CCDC91: variants seen among roughly 807,000 people sequenced by gnomAD.
CCDC91 encodes the protein coiled-coil domain containing 91.
A neutral mutation model predicts 63.2 loss-of-function variants in CCDC91; 48 were observed. The ratio of observed to expected loss-of-function variants is 0.76; its 90% confidence interval spans 0.60 to 0.97. The LOEUF (loss-of-function observed/expected upper bound fraction) is 0.97. CCDC91 is among the 50% of genes least tolerant of loss of function. The pLI, the probability that CCDC91 is intolerant of heterozygous loss-of-function variation, is 0.00. For synonymous variants in CCDC91, 167 were observed against 165.8 expected, an observed-to-expected ratio of 1.01 and a Z score of -0.06; for missense variants, 500 against 494.6, an observed-to-expected ratio of 1.01 and a Z score of -0.10.
chr12:28,460,791 CTGTATG>C (rs1950267027), intron 11 of CCDC91, among the ~76,000 whole-genome samples: 2 of 140,934 alleles, frequency 1.4e-5, no homozygotes, highest in Admixed American at 6.9e-5. Flanking sequence ...ATAAATATAT[CTGTATG>C]TGTGTGTGTG....
intron 3 of CCDC91, among the ~76,000 whole-genome samples, chr12:28,279,429 G>A (rs1948453972): frequency 1.3e-5 from 2 of 152,064 alleles, no homozygotes; most frequent in Admixed American, 6.6e-5. Context: ...GATTCTCAGA[G>A]CAATCTATTC....
chr12:28,373,977 G>T (rs1269295951), intron 7 of CCDC91, among the ~76,000 whole-genome samples: 1 of 152,048 alleles, frequency 6.6e-6, no homozygotes, highest in East Asian at 1.9e-4. Context: ...AGTTTCCTGA[G>T]GCCTAACCAG....
intron 6 of CCDC91, among the ~76,000 whole-genome samples, chr12:28,340,728 G>T (rs551213083): frequency 2.6e-5 from 4 of 152,318 alleles, no homozygotes; most frequent in Admixed American, 2.0e-4. Context: ...GTGTCTAGGG[G>T]TGAATGTTTA....
chr12:28,505,366 G>C (rs1938572771), intron 12 of CCDC91: 1 of 151,810 alleles, frequency 6.6e-6, no homozygotes, highest in Non-Finnish European at 1.5e-5. Context: ...CGAATCGAAT[G>C]CTACAGTAAC....
chr12:28,343,917 G>A (rs1942620216), intron 6 of CCDC91, among the ~76,000 whole-genome samples: 1 of 152,204 alleles, frequency 6.6e-6, no homozygotes, highest in East Asian at 1.9e-4. Context: ...TAAGAGTGAG[G>A]TAATGTTTTT....
At chr12:28,264,608 T>TGTGC (rs1947064301) in intron 3 of CCDC91, among the ~76,000 whole-genome samples, 1 of 150,350 alleles carries the variant, frequency 6.7e-6, no homozygotes, top group African/African-American at 2.5e-5. Context: ...TGTGTGTGTG[T>TGTGC]GTGTGTGTGT....
In CCDC91 at chr12:28,334,040, ATGTGTGTGTG is replaced by A. The variant is rs148910206; in HGVS notation, c.576+26303_576+26312del. 7.4e-5 allele frequency among the ~76,000 whole-genome samples: 11 copies of A among 148,518 alleles called. No individual in the cohort carries two copies. In the East Asian group the frequency reaches 1.2e-3, roughly 16 times the overall value. On this transcript the variant is annotated intron_variant, in intron 6 of 12. Transcript: ENST00000536442. ...ATTGAAACGACTTCTGGCAGAATTT[ATGTGTGTGTG>A]TGTGTGTGTGTATGTGTATGTGTAT...
intron 1 of CCDC91, among the ~76,000 whole-genome samples, chr12:28,226,646 T>A (rs1481317820): frequency 6.6e-6 from 1 of 152,188 alleles, no homozygotes; most frequent in East Asian, 1.9e-4. Context: ...TTTACATTAT[T>A]GTACATTTGT....
chr12:28,371,413 G>T (rs1281127002), intron 7 of CCDC91, among the ~76,000 whole-genome samples: 1 of 152,092 alleles, frequency 6.6e-6, no homozygotes, highest in Admixed American at 6.6e-5. Flanking sequence ...GAAACCATCC[G>T]CTTTACCCTA....
chr12:28,511,879 C>G (rs1276902265), intron 12 of CCDC91, among the ~76,000 whole-genome samples: 1 of 151,768 alleles, frequency 6.6e-6, no homozygotes, highest in Non-Finnish European at 1.5e-5. Flanking sequence ...TGATTATCAG[C>G]CATGAGAAAA....
chr12:28,198,929 T>C (rs1941989669), intron 1 of CCDC91: 1 of 150,478 alleles, frequency 6.6e-6, no homozygotes. Flanking sequence ...TGTTTCTCTT[T>C]TTTTTTTTTT....
intron 8 of CCDC91, among the ~76,000 whole-genome samples, chr12:28,416,820 G>A (rs1439049617): frequency 6.6e-6 from 1 of 152,084 alleles, no homozygotes; most frequent in Admixed American, 6.6e-5. Flanking sequence ...TCAGTACTCA[G>A]ACACAGACAA....
chr12:28,230,713 C>T (rs1206260463), intron 1 of CCDC91, among the ~76,000 whole-genome samples: 1 of 152,092 alleles, frequency 6.6e-6, no homozygotes, highest in Non-Finnish European at 1.5e-5. Flanking sequence ...CAGCCTCCAC[C>T]TTCTGGACTC....
At chr12:28,431,165 T>C (rs779927537) in intron 8 of CCDC91, among the ~76,000 whole-genome samples, 5 of 152,180 alleles carry the variant, frequency 3.3e-5, no homozygotes, top group Non-Finnish European at 7.4e-5. Context: ...TTGGGTGAGT[T>C]TCCATAAATG....
chr12:28,508,420 A>G (rs1938995095), intron 12 of CCDC91, among the ~76,000 whole-genome samples: 1 of 151,762 alleles, frequency 6.6e-6, no homozygotes, highest in Non-Finnish European at 1.5e-5. Flanking sequence ...CATGGGACCT[A>G]TAAGGCCCTG....
chr12:28,230,412 G>C (rs1266885597), intron 1 of CCDC91, among the ~76,000 whole-genome samples: 2 of 152,072 alleles, frequency 1.3e-5, no homozygotes, highest in African/African-American at 4.8e-5. Flanking sequence ...TTAAATAGTG[G>C]TATTTACTAG....
At chr12:28,393,516 A>G (rs767062380) in intron 8 of CCDC91, among the ~76,000 whole-genome samples, 14 of 152,092 alleles carry the variant, frequency 9.2e-5, no homozygotes, top group Non-Finnish European at 1.8e-4. Context: ...CATTTTATCA[A>G]ACTAGGGTGG....
chr12:28,505,792 G>A (rs1938637115), intron 12 of CCDC91, among the ~76,000 whole-genome samples: 1 of 151,918 alleles, frequency 6.6e-6, no homozygotes, highest in South Asian at 2.1e-4. Flanking sequence ...TGTGGACTCA[G>A]GCAATCAAAC....
At chr12:28,450,869 CA>C (rs1423023984) in intron 10 of CCDC91, among the ~76,000 whole-genome samples, 3 of 151,588 alleles carry the variant, frequency 2.0e-5, no homozygotes, top group East Asian at 3.9e-4. Flanking sequence ...TTAAATTTAG[CA>C]AACAAATATT....
Sources: allele counts gnomAD v4.1 joint callset (sites outside exome capture counted in the v4.1 genomes callset), GRCh38; gene constraint gnomAD v4.1.1; transcripts MANE v1.5; gene names NCBI Gene and HGNC (gene_info 2026-07-23, HGNC 2026-07-21).